Variants in RANBP9 observed in about 807,000 individuals in gnomAD.
The protein encoded by RANBP9 is RAN binding protein 9.
RANBP9 carries 15 observed loss-of-function variants against 84.3 expected under a neutral mutation model. The ratio of observed to expected loss-of-function variants is 0.18; its 90% CI spans 0.12 to 0.27. The LOEUF (loss-of-function observed/expected upper bound fraction) is 0.27. Among genes scored for constraint, RANBP9 ranks in the 10% least tolerant of loss-of-function variants. RANBP9 has a pLI of 1.00. For synonymous variants in RANBP9, 392 were observed against 349.6 expected, an observed-to-expected ratio of 1.12 and a Z score of -1.35; for missense variants, 809 against 912.8, an observed-to-expected ratio of 0.89 and a Z score of 1.46.
At chr6:13,710,894 G>A in intron 1 of RANBP9, 41 bp downstream of exon 1, 1 of 1,552,364 alleles carries the variant, frequency 6.4e-7, no homozygotes, top group South Asian at 1.2e-5. Flanking sequence ...GGCCACGTCG[G>A]GTCAGTGCCC....
At chr6:13,700,085 T>C (rs1345960797) in intron 1 of RANBP9, among the ~76,000 whole-genome samples, 1 of 152,250 alleles carries the variant, frequency 6.6e-6, no homozygotes, top group Non-Finnish European at 1.5e-5. Flanking sequence ...AAGTGTTTTC[T>C]ATGTGGCTTT....
At chr6:13,630,638 G>T (rs1433335481) in intron 12 of RANBP9, among the ~76,000 whole-genome samples, 1 of 152,060 alleles carries the variant, frequency 6.6e-6, no homozygotes, top group Non-Finnish European at 1.5e-5. Flanking sequence ...AAAATTATTT[G>T]TATAATAGTA....
intron 2 of RANBP9, among the ~76,000 whole-genome samples, chr6:13,686,757 G>C (rs1766200671): frequency 6.6e-6 from 1 of 152,152 alleles, no homozygotes; most frequent in Non-Finnish European, 1.5e-5. Context: ...GTGAATTATT[G>C]TTTCTCACAA....
chr6:13,694,257 T>C (rs1766389939), intron 2 of RANBP9, among the ~76,000 whole-genome samples: 1 of 152,222 alleles, frequency 6.6e-6, no homozygotes, highest in South Asian at 2.1e-4. Flanking sequence ...AACTGGAAAC[T>C]GAGAAGTTCT....
intron 2 of RANBP9, among the ~76,000 whole-genome samples, chr6:13,690,950 TG>T (rs2113347894): frequency 6.6e-6 from 1 of 152,168 alleles, no homozygotes; most frequent in African/African-American, 2.4e-5. Flanking sequence ...TGGATCATTT[TG>T]AGGTCAGGAG....
chr6:13,661,420 A>G (rs1385775392), intron 2 of RANBP9, among the ~76,000 whole-genome samples: 2 of 152,180 alleles, frequency 1.3e-5, no homozygotes, highest in Non-Finnish European at 2.9e-5. Flanking sequence ...AAACTTCCCA[A>G]TCAAAATAAG....
intron 4 of RANBP9, among the ~76,000 whole-genome samples, chr6:13,656,373 GTTA>G (rs544917549): frequency 2.5e-4 from 37 of 150,644 alleles, no homozygotes; most frequent in Non-Finnish European, 4.3e-4. Context: ...AAGCATCAGT[GTTA>G]TTATCCTTTA....
intron 2 of RANBP9, among the ~76,000 whole-genome samples, chr6:13,687,600 A>ACC (rs1250719433): frequency 6.6e-6 from 1 of 152,180 alleles, no homozygotes; most frequent in Non-Finnish European, 1.5e-5. Context: ...TCTCTCAACA[A>ACC]CTACCTTTAC....
chr6:13,629,912 TCTCTCTCTC>T (rs1005924710), intron 12 of RANBP9, among the ~76,000 whole-genome samples: 96 of 124,006 alleles, frequency 7.7e-4, no homozygotes, highest in Middle Eastern at 7.5e-3. Context: ...TCTCTCTCTC[TCTCTCTCTC>T]GTGTGTGTGT....
At chr6:13,705,189 A>G (rs1357507996) in intron 1 of RANBP9, among the ~76,000 whole-genome samples, 1 of 151,822 alleles carries the variant, frequency 6.6e-6, no homozygotes, top group Non-Finnish European at 1.5e-5. Flanking sequence ...GGATCACTTG[A>G]GGTCAGGAGT....
At chr6:13,671,777 C>G (rs1765784679) in intron 2 of RANBP9, among the ~76,000 whole-genome samples, 1 of 151,896 alleles carries the variant, frequency 6.6e-6, no homozygotes, top group Admixed American at 6.6e-5. Context: ...ATGAATTATA[C>G]ATCTCAATAC....
intron 10 of RANBP9, 38 bp downstream of exon 10, chr6:13,637,770 T>A (rs1030701788): frequency 6.7e-7 from 1 of 1,500,134 alleles, no homozygotes; most frequent in Admixed American, 2.2e-5. Context: ...TATAACTAGG[T>A]TGCTTATATT....
intron 5 of RANBP9, among the ~76,000 whole-genome samples, chr6:13,646,143 C>T (rs1765170580): frequency 6.6e-6 from 1 of 152,178 alleles, no homozygotes; most frequent in South Asian, 2.1e-4. Context: ...GGCATGGTGG[C>T]TCACGCCTGT....
intron 2 of RANBP9, among the ~76,000 whole-genome samples, chr6:13,675,145 A>C (rs1337065847): frequency 2.0e-5 from 3 of 152,236 alleles, no homozygotes; most frequent in Non-Finnish European, 4.4e-5. Flanking sequence ...AGTCAAACTG[A>C]AAAGTATCAT....
chr6:13,658,279 G>A (rs937930388), intron 3 of RANBP9, among the ~76,000 whole-genome samples: 1 of 61,830 alleles, frequency 1.6e-5, no homozygotes, highest in Non-Finnish European at 3.8e-5. Context: ...TATACTATAT[G>A]TTTTACTAAA....
chr6:13,680,664 G>A (rs1220460521), intron 2 of RANBP9, among the ~76,000 whole-genome samples: 1 of 152,048 alleles, frequency 6.6e-6, no homozygotes, highest in Non-Finnish European at 1.5e-5. Flanking sequence ...GCTGAGGCGG[G>A]AGGATCGCTT....
intron 3 of RANBP9, 125 bp from the exon 4 acceptor site, chr6:13,657,401 A>T: frequency 1.5e-6 from 1 of 677,190 alleles, no homozygotes; most frequent in South Asian, 5.0e-5. Context: ...CCCAATGTAC[A>T]TTTAAATTCT....
chr6:13,635,976 A>C (rs908956677), intron 10 of RANBP9, among the ~76,000 whole-genome samples: 1 of 152,210 alleles, frequency 6.6e-6, no homozygotes, highest in African/African-American at 2.4e-5. Flanking sequence ...TTAAGTTATT[A>C]TATTACAGAG....
intron 1 of RANBP9, among the ~76,000 whole-genome samples, chr6:13,706,014 C>T (rs1480199917): frequency 6.6e-6 from 1 of 151,936 alleles, no homozygotes; most frequent in Non-Finnish European, 1.5e-5. Context: ...AGGAAGTGTT[C>T]AAGCGCTAAT....
Sources: allele counts gnomAD v4.1 joint callset (sites outside exome capture counted in the v4.1 genomes callset), GRCh38; gene constraint gnomAD v4.1.1; transcripts MANE v1.5; gene names NCBI Gene and HGNC (gene_info 2026-07-23, HGNC 2026-07-21).